Variants in ST6GALNAC5 observed in about 807,000 individuals in gnomAD.
The protein encoded by ST6GALNAC5 is ST6 N-acetylgalactosaminide alpha-2,6-sialyltransferase 5.
Under a neutral mutation model 33.6 loss-of-function variants are expected in ST6GALNAC5, and 27 were observed. That is an observed-to-expected ratio of 0.80 (90% CI 0.59 to 1.11). ST6GALNAC5 has a LOEUF of 1.11. Among genes scored for constraint, ST6GALNAC5 ranks in the 50% least tolerant of loss-of-function variants. ST6GALNAC5 has a pLI of 0.00. For missense variants in ST6GALNAC5, 428 were observed against 454.0 expected (o/e 0.94, Z 0.52); for synonymous variants, 194 against 171.2 (o/e 1.13, Z -1.04).
At chr1:77,062,189 G>C (rs1356923284) in intron 4 of ST6GALNAC5, among the ~76,000 whole-genome samples, 1 of 152,148 alleles carries the variant, frequency 6.6e-6, no homozygotes, top group Non-Finnish European at 1.5e-5. Context: ...ACCAGGGACT[G>C]TTCCAGGAAT....
intron 4 of ST6GALNAC5, among the ~76,000 whole-genome samples, chr1:77,054,746 T>C (rs1652336008): frequency 6.6e-6 from 1 of 152,118 alleles, no homozygotes; most frequent in African/African-American, 2.4e-5. Flanking sequence ...CCATCAGGTG[T>C]CCTGGAGGTC....
In ST6GALNAC5 at chr1:76,972,661, G is replaced by C. The variant is rs116731419; in HGVS notation, c.262-71543G>C. Among the ~76,000 whole-genome samples, 658 of 152,194 alleles carry C rather than the reference G, an allele frequency of 4.3e-3. 3 individuals carry two copies. The highest frequency in any genetic ancestry group is 0.015 in the African/African-American group (633 of 41,544). ...AATACAGATGTCATTTTGCACATGA[G>C]AGTTATTATCTGTAGAATAAATTTC... On this transcript the variant is annotated intron_variant, in intron 2 of 4. Transcript: ENST00000477717.
At chr1:76,996,323 A>T (rs1328894606) in intron 2 of ST6GALNAC5, among the ~76,000 whole-genome samples, 1 of 152,354 alleles carries the variant, frequency 6.6e-6, no homozygotes. Flanking sequence ...CTTGTCCCTC[A>T]CAACAGAGAT....
chr1:77,059,335 C>T lies in ST6GALNAC5; in HGVS notation c.780-3640C>T, dbSNP rs149326052. Among the ~76,000 whole-genome samples, 1,495 of 152,316 alleles carry T rather than the reference C, an allele frequency of 9.8e-3. 13 individuals carry two copies. The highest frequency in any genetic ancestry group is 0.016 in the Non-Finnish European group (1,121 of 68,028). On this transcript the variant is annotated intron_variant, in intron 4 of 4. Transcript: ENST00000477717. ...TTTATTTATCAGGTGTCCTCAGTCT[C>T]TAAATCCATGGCCGTTCCTCAGGCT...
At chr1:77,025,225 C>T (rs1449624114) in intron 2 of ST6GALNAC5, among the ~76,000 whole-genome samples, 2 of 152,126 alleles carry the variant, frequency 1.3e-5, no homozygotes, top group African/African-American at 4.8e-5. Flanking sequence ...TGTCTATGAA[C>T]CTGAAATAGT....
chr1:76,928,393 CT>C lies in ST6GALNAC5; in HGVS notation c.261+59653del, dbSNP rs1206885866. ...GTGTGGCTTTTAATAAAAGGAAACA[CT>C]TGTGATTATTTGTGCCATATCAGCT... is the stretch of plus-strand genomic sequence containing the variant. On this transcript the variant is annotated intron_variant, in intron 2 of 4. Coordinates refer to ENST00000477717, the MANE Select transcript of ST6GALNAC5 (RefSeq NM_030965.3). 2.6e-4 allele frequency among the ~76,000 whole-genome samples: 39 copies of C among 152,080 alleles called. 1 individual carries two copies. The highest frequency in any genetic ancestry group is 8.5e-4 in the African/African-American group (35 of 41,420).
chr1:76,982,718 C>T (rs946781067), intron 2 of ST6GALNAC5, among the ~76,000 whole-genome samples: 7 of 152,090 alleles, frequency 4.6e-5, no homozygotes, highest in Non-Finnish European at 1.0e-4. Context: ...TTGTCAGATT[C>T]AACAAGGTTG....
At chr1:77,040,912 T>C (rs1288424675) in intron 2 of ST6GALNAC5, among the ~76,000 whole-genome samples, 4 of 152,224 alleles carry the variant, frequency 2.6e-5, no homozygotes, top group Non-Finnish European at 5.9e-5. Flanking sequence ...GTCTTTAGAA[T>C]GAATGAACAA....
At chr1:77,041,980 T>C (rs1004198548) in intron 2 of ST6GALNAC5, among the ~76,000 whole-genome samples, 6 of 152,330 alleles carry the variant, frequency 3.9e-5, no homozygotes, top group South Asian at 4.1e-4. Context: ...CTTATTCTAC[T>C]GCACTGTGTT....
intron 2 of ST6GALNAC5, among the ~76,000 whole-genome samples, chr1:76,916,535 C>T (rs1406211450): frequency 6.6e-6 from 1 of 152,078 alleles, no homozygotes; most frequent in African/African-American, 2.4e-5. Context: ...TTTCTTTAAA[C>T]ATCAAGATTT....
At chr1:76,971,475 A>G (rs1290385210) in intron 2 of ST6GALNAC5, among the ~76,000 whole-genome samples, 1 of 152,192 alleles carries the variant, frequency 6.6e-6, no homozygotes, top group Non-Finnish European at 1.5e-5. Context: ...TGAAATTTAT[A>G]TAATGATTTT....
chr1:76,950,975 T>C (rs907747310), intron 2 of ST6GALNAC5, among the ~76,000 whole-genome samples: 18 of 150,572 alleles, frequency 1.2e-4, no homozygotes, highest in African/African-American at 4.0e-4. Context: ...TCTGATTTTG[T>C]TACACCAAAA....
At chr1:76,941,185 C>T (rs1046546158) in intron 2 of ST6GALNAC5, among the ~76,000 whole-genome samples, 1 of 152,068 alleles carries the variant, frequency 6.6e-6, no homozygotes, top group Admixed American at 6.6e-5. Flanking sequence ...CCACAAGCCT[C>T]ATAAATACTA....
chr1:76,967,394 C>G (rs1026327714), intron 2 of ST6GALNAC5, among the ~76,000 whole-genome samples: 1 of 151,780 alleles, frequency 6.6e-6, no homozygotes, highest in Non-Finnish European at 1.5e-5. Context: ...TAGAGGTGTT[C>G]ATAGTATTCT....
chr1:77,052,161 T>C (rs1652240715), intron 4 of ST6GALNAC5, among the ~76,000 whole-genome samples: 1 of 152,230 alleles, frequency 6.6e-6, no homozygotes, highest in South Asian at 2.1e-4. Flanking sequence ...CACAAGACAG[T>C]TTCAGCAAGA....
chr1:76,869,023 A>G, intron 2 of ST6GALNAC5: 1 of 371,590 alleles, frequency 2.7e-6, no homozygotes, highest in South Asian at 8.6e-5. Flanking sequence ...CCTGATCCCC[A>G]GAATTGCAGC....
Position 77,055,464 on chromosome 1 carries a change from T to C in ST6GALNAC5, c.779+5099T>C, listed in dbSNP as rs567394368. ...CTTAACATGAACACATGCATTATTTTCTTGAACCTTATAATAATCTTATGA... is the reference window on the plus strand; with the variant it reads ...CTTAACATGAACACATGCATTATTTCCTTGAACCTTATAATAATCTTATGA... On this transcript the variant is annotated intron_variant, in intron 4 of 4. Coordinates refer to ENST00000477717, the MANE Select transcript of ST6GALNAC5 (RefSeq NM_030965.3). 2.0e-5 allele frequency among the ~76,000 whole-genome samples: 3 copies of C among 152,334 alleles called. No individual in the cohort carries two copies. In the East Asian group the frequency reaches 5.8e-4, roughly 29 times the overall value.
intron 2 of ST6GALNAC5, among the ~76,000 whole-genome samples, chr1:76,904,646 G>A (rs973620406): frequency 6.6e-5 from 10 of 152,118 alleles, no homozygotes; most frequent in East Asian, 1.9e-4. Context: ...CCAACATGGC[G>A]AAACCCCATC....
intron 2 of ST6GALNAC5, among the ~76,000 whole-genome samples, chr1:77,035,500 TC>T (rs1319903076): frequency 3.9e-5 from 6 of 152,098 alleles, no homozygotes; most frequent in Admixed American, 6.5e-5. Context: ...TCACTTCATC[TC>T]CTGTGGCTAG....
Sources: gnomAD v4.1 joint callset for allele counts (sites outside exome capture counted in the v4.1 genomes callset) on GRCh38, gnomAD v4.1.1 for gene constraint, MANE v1.5 for transcripts, NCBI Gene and HGNC (gene_info 2026-07-23, HGNC 2026-07-21) for gene names.